PARD3B: variants seen among roughly 807,000 people sequenced by gnomAD.
PARD3B encodes the protein par-3 family cell polarity regulator beta.
In PARD3B, 103 loss-of-function variants were observed where a neutral mutation model predicts 130.2. That is an observed-to-expected ratio of 0.79 (90% confidence interval 0.67 to 0.93). The LOEUF (loss-of-function observed/expected upper bound fraction) is 0.93. PARD3B is among the 40% of genes least tolerant of loss of function. The pLI is 0.00. For missense variants in PARD3B, 1,609 were observed against 1,499.2 expected (o/e 1.07, Z -1.21); for synonymous variants, 583 against 553.2 (o/e 1.05, Z -0.76).
chr2:204,562,824 A>T (rs576468073), intron 1 of PARD3B, among the ~76,000 whole-genome samples: 1,445 of 106,070 alleles, frequency 0.014, 14 homozygotes, highest in Non-Finnish European at 0.021. Flanking sequence ...TATTTCTAAT[A>T]AAAAAAATTT....
chr2:205,377,455 G>C (rs959874684), intron 18 of PARD3B, among the ~76,000 whole-genome samples: 32 of 152,162 alleles, frequency 2.1e-4, no homozygotes, highest in African/African-American at 7.5e-4. Context: ...TAGAAACTGG[G>C]TCAGCAGAAG....
At chr2:205,032,927 A>C (rs1697529602) in intron 3 of PARD3B, among the ~76,000 whole-genome samples, 2 of 152,210 alleles carry the variant, frequency 1.3e-5, no homozygotes, top group African/African-American at 4.8e-5. Context: ...TCATCTATCA[A>C]GAAGGACTTG....
chr2:205,095,915 A>G (rs563191459), intron 4 of PARD3B, among the ~76,000 whole-genome samples: 4 of 152,262 alleles, frequency 2.6e-5, no homozygotes, highest in African/African-American at 9.6e-5. Flanking sequence ...ATGAGAAGAA[A>G]AGAAAATATC....
At chr2:205,531,775 T>C (rs1247267060) in intron 21 of PARD3B, among the ~76,000 whole-genome samples, 4 of 152,164 alleles carry the variant, frequency 2.6e-5, no homozygotes, top group Non-Finnish European at 5.9e-5. Context: ...TTAATTGCCT[T>C]ATAAACTGAT....
chr2:204,969,420 C>T (rs1486415826), intron 3 of PARD3B, among the ~76,000 whole-genome samples: 1 of 152,148 alleles, frequency 6.6e-6, no homozygotes, highest in South Asian at 2.1e-4. Flanking sequence ...TAAACAGAAT[C>T]CCAATGCTTA....
chr2:205,181,516 A>G (rs1016904595), intron 13 of PARD3B, among the ~76,000 whole-genome samples: 1 of 152,218 alleles, frequency 6.6e-6, no homozygotes, highest in South Asian at 2.1e-4. Context: ...GGTCTCTGTC[A>G]TCACTCAATT....
chr2:204,913,699 A>G (rs2047334722), intron 2 of PARD3B, among the ~76,000 whole-genome samples: 2 of 152,340 alleles, frequency 1.3e-5, no homozygotes, highest in South Asian at 4.1e-4. Context: ...GTTTGTGTCT[A>G]GTTTAAGAAG....
intron 21 of PARD3B, among the ~76,000 whole-genome samples, chr2:205,534,089 A>G (rs2051729676): frequency 6.6e-6 from 1 of 151,038 alleles, no homozygotes; most frequent in Non-Finnish European, 1.5e-5. Flanking sequence ...AGAGACATGC[A>G]TGTTTAGGAA....
intron 2 of PARD3B, among the ~76,000 whole-genome samples, chr2:204,853,304 A>T (rs768768458): frequency 6.6e-6 from 1 of 152,096 alleles, no homozygotes; most frequent in Non-Finnish European, 1.5e-5. Flanking sequence ...AGGACATCTC[A>T]CTCACCTTAG....
At chr2:205,345,094 G>C (rs1257831113) in intron 18 of PARD3B, among the ~76,000 whole-genome samples, 3 of 152,178 alleles carry the variant, frequency 2.0e-5, no homozygotes, top group Admixed American at 1.3e-4. Context: ...CCATTTGCAA[G>C]GTTCATGGTT....
In PARD3B at chr2:205,592,218, C is replaced by A. The variant is rs1017429090; in HGVS notation, c.3261-23238C>A. 3.3e-5 allele frequency among the ~76,000 whole-genome samples: 5 copies of A among 152,218 alleles called. No individual in the cohort carries two copies. The highest frequency in any genetic ancestry group is 1.2e-4 in the African/African-American group (5 of 41,456). On this transcript the variant is annotated intron_variant, in intron 22 of 22. Transcript: ENST00000406610. The surrounding 1 kb of genome is among the most constrained non-coding windows in gnomAD (Gnocchi z 4.5). ...GAACTTGAACCCAGGTGTTTTGCCT[C>A]AGAGCCCAGTGCTCTTGTTTACTAT...
At chr2:204,734,323 A>G (rs1559099771) in intron 2 of PARD3B, among the ~76,000 whole-genome samples, 1 of 152,206 alleles carries the variant, frequency 6.6e-6, no homozygotes, top group Admixed American at 6.5e-5. Context: ...GGCAATTCAG[A>G]ATTTAGAATA....
Position 205,301,497 on chromosome 2 carries a change from A to G in PARD3B, c.2426A>G (p.Gln809Arg), listed in dbSNP as rs2041996360. ...TCTGATAAGAGCTCTCACTCTGGCCAAGGAGCTCTGAATTGTGAGTCTGCC... is the reference window on the plus strand; with the variant it reads ...TCTGATAAGAGCTCTCACTCTGGCCGAGGAGCTCTGAATTGTGAGTCTGCC... Reference protein sequence around the residue: ...GLSDKSSHSGQGALNCESAPQ... With the variant: ...GLSDKSSHSGRGALNCESAPQ... The change falls in exon 18 of 23, where the codon CAA becomes CGA. Residue 809 changes from glutamine (Q) to arginine (R), a missense_variant. Gln to Arg is a conservative substitution (Grantham distance 43, BLOSUM62 1). Transcript: ENST00000406610. This position sits in a 1 kb window ranked among gnomAD's most constrained non-coding sequence, Gnocchi z 5.2. The G allele has an allele frequency of 6.2e-7, 1 of 1,613,674 alleles. No individual in the cohort carries two copies. The highest frequency in any genetic ancestry group is 2.2e-5 in the East Asian group (1 of 44,866).
intron 5 of PARD3B, among the ~76,000 whole-genome samples, chr2:205,112,331 T>C (rs574138952): frequency 6.6e-6 from 1 of 152,226 alleles, no homozygotes; most frequent in African/African-American, 2.4e-5. Context: ...AATCCACTGA[T>C]GAGAATATAT....
At chr2:205,207,219 T>C (rs2037368576) in intron 15 of PARD3B, among the ~76,000 whole-genome samples, 1 of 131,314 alleles carries the variant, frequency 7.6e-6, no homozygotes, top group Non-Finnish European at 1.6e-5. Context: ...TTCAAAGCAG[T>C]GTGTAGAGGG....
At chr2:205,381,221 TTATA>T (rs1255927785) in intron 18 of PARD3B, among the ~76,000 whole-genome samples, 1 of 117,512 alleles carries the variant, frequency 8.5e-6, no homozygotes, top group African/African-American at 3.6e-5. Context: ...AGAATATATA[TTATA>T]TATAATATAT....
At chr2:204,873,407 G>A (rs1450571650) in intron 2 of PARD3B, among the ~76,000 whole-genome samples, 1 of 152,174 alleles carries the variant, frequency 6.6e-6, no homozygotes, top group Non-Finnish European at 1.5e-5. Context: ...AGACTCGGTT[G>A]TCTGATTCTC....
At chr2:205,471,568 A>G (rs2048836709) in intron 20 of PARD3B, among the ~76,000 whole-genome samples, 1 of 151,794 alleles carries the variant, frequency 6.6e-6, no homozygotes, top group Admixed American at 6.6e-5. Flanking sequence ...TCATCATGTT[A>G]GCCAGGCTGG....
chr2:205,136,784 T>C (rs752290623), intron 10 of PARD3B, among the ~76,000 whole-genome samples: 11 of 152,320 alleles, frequency 7.2e-5, no homozygotes, highest in South Asian at 2.1e-4. Context: ...AATGTTCTCT[T>C]CTATGATAAT....
Sources: gnomAD v4.1 joint callset for allele counts (sites outside exome capture counted in the v4.1 genomes callset) on GRCh38, gnomAD v4.1.1 for gene constraint, Gnocchi (gnomAD v3.1) non-coding constraint, MANE v1.5 for transcripts, NCBI Gene and HGNC (gene_info 2026-07-23, HGNC 2026-07-21) for gene names.